The following ARMC8 variants were observed in gnomAD, a reference collection of about 807,000 sequenced individuals.
ARMC8 encodes armadillo repeat-containing protein 8.
In ARMC8, 20 loss-of-function variants were observed where a neutral mutation model predicts 99.3. That is an observed-to-expected ratio of 0.20 (90% confidence interval 0.14 to 0.29). ARMC8 has a LOEUF of 0.29. ARMC8 is among the 10% of genes least tolerant of loss of function. The pLI is 1.00. For missense variants in ARMC8, 569 were observed against 809.5 expected, an observed-to-expected ratio of 0.70 and a Z score of 3.60; for synonymous variants, 263 against 278.3, an observed-to-expected ratio of 0.95 and a Z score of 0.55.
chr3:138,221,614 G>A (rs1182450374), intron 2 of ARMC8, among the ~76,000 whole-genome samples: 1 of 152,080 alleles, frequency 6.6e-6, no homozygotes, highest in African/African-American at 2.4e-5. Context: ...TACTCTTAGA[G>A]CTGAGCGTGA....
intron 12 of ARMC8, chr3:138,246,180 A>G (rs1173257778): frequency 6.3e-5 from 62 of 985,746 alleles, no homozygotes; most frequent in Non-Finnish European, 7.3e-5. Flanking sequence ...CATTTCTTGA[A>G]GAAACTGAAG....
intron 7 of ARMC8, among the ~76,000 whole-genome samples, chr3:138,235,798 C>CTTTT (rs71146120): frequency 2.0e-3 from 161 of 80,526 alleles, no homozygotes; most frequent in African/African-American, 2.3e-3. Flanking sequence ...TCCTTTTAGT[C>CTTTT]TTTTTTTTTT....
chr3:138,195,568 ATACT>A (rs1371251281), intron 1 of ARMC8, among the ~76,000 whole-genome samples: 3 of 152,302 alleles, frequency 2.0e-5, no homozygotes, highest in Middle Eastern at 3.4e-3. Context: ...AAATTTTAAA[ATACT>A]TACTGTCAGC....
chr3:138,204,480 T>C (rs2044253059), intron 1 of ARMC8, among the ~76,000 whole-genome samples: 1 of 152,194 alleles, frequency 6.6e-6, no homozygotes, highest in African/African-American at 2.4e-5. Flanking sequence ...CTAGCTACTA[T>C]ATTTCTTTAC....
chr3:138,200,977 A>C (rs1223125018), intron 1 of ARMC8, among the ~76,000 whole-genome samples: 1 of 118,102 alleles, frequency 8.5e-6, no homozygotes, highest in East Asian at 2.8e-4. Flanking sequence ...CAGTGGCGTG[A>C]TCTTGGCTCA....
intron 5 of ARMC8, among the ~76,000 whole-genome samples, chr3:138,228,296 G>A (rs2045801470): frequency 6.6e-6 from 1 of 152,172 alleles, no homozygotes; most frequent in Non-Finnish European, 1.5e-5. Flanking sequence ...CTAAATAAAA[G>A]GAAATTCTTG....
intron 12 of ARMC8, among the ~76,000 whole-genome samples, chr3:138,248,162 C>T (rs2046966147): frequency 6.6e-6 from 1 of 152,140 alleles, no homozygotes; most frequent in South Asian, 2.1e-4. Context: ...CTACCATTGA[C>T]TGTGACATGA....
At chr3:138,188,664 A>G in intron 1 of ARMC8, 4 of 1,188,568 alleles carry the variant, frequency 3.4e-6, no homozygotes, top group Middle Eastern at 3.9e-4. Flanking sequence ...TCGGGTTCCT[A>G]GAGTCTTGTA....
chr3:138,277,672 G>A (rs2049435341), intron 18 of ARMC8, among the ~76,000 whole-genome samples: 1 of 152,194 alleles, frequency 6.6e-6, no homozygotes, highest in South Asian at 2.1e-4. Flanking sequence ...TAGCAAGGAT[G>A]CAGAGCATCT....
chr3:138,220,268 A>G (rs990272502), intron 2 of ARMC8, among the ~76,000 whole-genome samples: 3 of 152,248 alleles, frequency 2.0e-5, no homozygotes, highest in African/African-American at 7.2e-5. Context: ...CTTTGATATC[A>G]TATAGTTTTA....
chr3:138,241,507 A>C lies in ARMC8; in HGVS notation c.838-276A>C, dbSNP rs2046619492. On this transcript the variant is annotated intron_variant, in intron 10 of 21. Coordinates refer to ENST00000469044, the MANE Select transcript of ARMC8 (RefSeq NM_001363941.2). ...TGTCTTTTACAAAGTTGTACAATAA[A>C]ACTTGTCTTATCGGTCCCAAAAGCC... 2.6e-5 allele frequency among the ~76,000 whole-genome samples: 4 copies of C among 152,214 alleles called. No homozygotes were observed. In the South Asian group the frequency reaches 8.3e-4, roughly 31 times the overall value.
intron 19 of ARMC8, 70 bp downstream of exon 19, chr3:138,284,596 T>C: frequency 8.7e-7 from 1 of 1,152,978 alleles, no homozygotes; most frequent in South Asian, 1.3e-5. Flanking sequence ...TCAAAATAAA[T>C]TGTGCAGAGA....
At chr3:138,271,640 G>A (rs896659219) in intron 16 of ARMC8, among the ~76,000 whole-genome samples, 2 of 152,084 alleles carry the variant, frequency 1.3e-5, no homozygotes, top group Non-Finnish European at 2.9e-5. Context: ...CTCTGACCTG[G>A]GTCTCTTGAC....
intron 18 of ARMC8, among the ~76,000 whole-genome samples, chr3:138,276,680 G>GA (rs2049329300): frequency 6.6e-6 from 1 of 152,082 alleles, no homozygotes; most frequent in Admixed American, 6.5e-5. Context: ...CAGTAACTTA[G>GA]AAAAAAATGA....
chr3:138,241,656 A>G, intron 10 of ARMC8, 127 bp from the exon 11 acceptor site: 1 of 813,184 alleles, frequency 1.2e-6, no homozygotes, highest in Non-Finnish European at 1.9e-6. Context: ...ATTCTCTAGA[A>G]GTCAGTAAAG....
chr3:138,231,134 A>G (rs959311281), intron 6 of ARMC8, among the ~76,000 whole-genome samples: 29 of 152,248 alleles, frequency 1.9e-4, no homozygotes, highest in African/African-American at 7.0e-4. Flanking sequence ...ACAGTATAGC[A>G]TTTATAAATC....
chr3:138,272,578 T>C (rs955701631), intron 16 of ARMC8, among the ~76,000 whole-genome samples: 2 of 152,182 alleles, frequency 1.3e-5, no homozygotes, highest in African/African-American at 4.8e-5. Context: ...GTTTGTACTT[T>C]GAAAATTATC....
rs548283676 is a variant in ARMC8, at chr3:138,287,932, G to A, written c.1822-1116G>A. 6.4e-5 allele frequency: 14 copies of A among 219,788 alleles called. No individual in the cohort carries two copies. The East Asian group carries it at 8.4e-4, about 13-fold the overall frequency. The allele number at this position is 219,788 out of a possible 1,614,324, so 13.6% of individuals were successfully genotyped here. A position where few individuals can be genotyped will look rare whatever the true frequency, so the allele number is the denominator to read the frequency against. Reference sequence around the variant, plus strand: ...TTATTGAGTCCTTTTTCATTCAGGCGAAAACACCCTATCCAAAGCAACCAG... The same window carrying A: ...TTATTGAGTCCTTTTTCATTCAGGCAAAAACACCCTATCCAAAGCAACCAG... On this transcript the variant is annotated intron_variant, in intron 19 of 21. Coordinates refer to ENST00000469044, the MANE Select transcript of ARMC8 (RefSeq NM_001363941.2).
Position 138,269,901 on chromosome 3 carries a change from C to A in ARMC8, c.1387-139C>A, listed in dbSNP as rs80348619. 206 of 227,100 alleles carry A rather than the reference C, an allele frequency of 9.1e-4. 1 individual carries two copies. The allele number at this position is 227,100 out of a possible 1,614,324, so 14.1% of individuals were successfully genotyped here. A position where few individuals can be genotyped will look rare whatever the true frequency, so the allele number is the denominator to read the frequency against. On this transcript the variant is annotated intron_variant, in intron 15 of 21. Coordinates refer to ENST00000469044, the MANE Select transcript of ARMC8 (RefSeq NM_001363941.2). Reference sequence around the variant, plus strand: ...CTTCTCAAGGTGATTTTTATGGCTACATCACTCCCTGCTTTGCAAAAGTTG... The same window carrying A: ...CTTCTCAAGGTGATTTTTATGGCTAAATCACTCCCTGCTTTGCAAAAGTTG...
Sources: gnomAD v4.1 joint callset for allele counts (sites outside exome capture counted in the v4.1 genomes callset) on GRCh38, gnomAD v4.1.1 for gene constraint, MANE v1.5 for transcripts, NCBI Gene and HGNC (gene_info 2026-07-23, HGNC 2026-07-21) for gene names.